The following USP20 variants were observed in gnomAD, a reference collection of about 807,000 sequenced individuals.
The protein encoded by USP20 is ubiquitin carboxyl-terminal hydrolase 20.
A neutral mutation model predicts 124.2 loss-of-function variants in USP20; 80 were observed. The ratio of observed to expected loss-of-function variants is 0.64; its 90% CI spans 0.54 to 0.78. USP20 has a LOEUF of 0.78. Among genes scored for constraint, USP20 ranks in the 30% least tolerant of loss-of-function variants. The pLI, the probability that USP20 is intolerant of heterozygous loss-of-function variation, is 0.00. For missense variants in USP20, 1,043 were observed against 1,244.4 expected (o/e 0.84, Z 2.44); for synonymous variants, 481 against 512.3 (o/e 0.94, Z 0.83).
At position 129,879,352 on chromosome 9, in the gene USP20, G is replaced by A. The variant is rs921715543; in HGVS notation, c.2513-221G>A. 18 of 554,410 alleles carry A rather than the reference G, an allele frequency of 3.2e-5. No individual in the cohort carries two copies. In the Admixed American group the frequency reaches 3.9e-4, roughly 12 times the overall value. 34.3% of individuals were successfully genotyped at this position (554,410 alleles called of 1,614,324 possible). ...ATGGGCCATCCACCGCAGCTCCTGC[G>A]GCCAGCACAGAGTCTGAGACCATCT... is the stretch of plus-strand genomic sequence containing the variant. On this transcript the variant is annotated intron_variant, in intron 23 of 25. Transcript: ENST00000372429. This position sits in a 1 kb window ranked among gnomAD's most constrained non-coding sequence, Gnocchi z 4.2.
chr9:129,880,343 C>T, intron 25 of USP20, 54 bp downstream of exon 25: 1 of 1,500,144 alleles, frequency 6.7e-7, no homozygotes, highest in Non-Finnish European at 8.9e-7. Flanking sequence ...TCCTCACTCT[C>T]CAGAGACCCT....
At position 129,874,764 on chromosome 9, in the gene USP20, A is replaced by G. The variant is rs761636395; in HGVS notation, c.1921+8A>G. ...ACCACGGCACGGCAGGCAGTGAGTC[A>G]TGTCCCCTCCCCTGCCGTCCCCATC... On this transcript the variant is annotated splice_region_variant and intron_variant, in intron 18 of 25. Coordinates refer to ENST00000372429, the MANE Select transcript of USP20 (RefSeq NM_001110303.4). The G allele has an allele frequency of 5.3e-5, 86 of 1,613,732 alleles. No individual in the cohort carries two copies. The Middle Eastern group carries it at 1.2e-3, about 22-fold the overall frequency.
chr9:129,845,891 G>A (rs1564196850), intron 1 of USP20, among the ~76,000 whole-genome samples: 1 of 151,962 alleles, frequency 6.6e-6, no homozygotes, highest in Non-Finnish European at 1.5e-5. Flanking sequence ...CAAAATAAGA[G>A]TTTACTGTAA....
chr9:129,837,757 G>C (rs1429778717), intron 1 of USP20, among the ~76,000 whole-genome samples: 1 of 152,200 alleles, frequency 6.6e-6, no homozygotes, highest in African/African-American at 2.4e-5. Context: ...ATTCTGGTTT[G>C]GGATTTGGTT....
intron 10 of USP20, among the ~76,000 whole-genome samples, chr9:129,866,355 C>A (rs2033820712): frequency 1.3e-5 from 2 of 152,248 alleles, no homozygotes; most frequent in Non-Finnish European, 2.9e-5. Context: ...GACTAAAATT[C>A]ACTGAGCACC....
chr9:129,860,590 T>A (rs1223742819), intron 6 of USP20, among the ~76,000 whole-genome samples: 1 of 152,052 alleles, frequency 6.6e-6, no homozygotes, highest in Non-Finnish European at 1.5e-5. Context: ...CTGGGTGCTG[T>A]GCATGCACCT....
rs2034046972 is a variant in USP20, at chr9:129,870,198, C to T, written c.1566-255C>T. 3.1e-5 allele frequency: 18 copies of T among 571,768 alleles called. No homozygotes were observed. The South Asian group carries it at 3.9e-4, about 12-fold the overall frequency. 35.4% of individuals were successfully genotyped at this position (571,768 alleles called of 1,614,324 possible). A position where few individuals can be genotyped will look rare whatever the true frequency, so the allele number is the denominator to read the frequency against. On this transcript the variant is annotated intron_variant, in intron 14 of 25. Transcript: ENST00000372429. ...CTGAGGCCAGAGACCCGCATGACCC[C>T]AGGGAGGGGGTAGCATGATCATGGC...
intron 15 of USP20, among the ~76,000 whole-genome samples, chr9:129,872,921 T>C (rs1269689221): frequency 1.3e-5 from 2 of 152,030 alleles, no homozygotes; most frequent in Non-Finnish European, 2.9e-5. Flanking sequence ...GCCTTTTGCC[T>C]TTTAATTTTG....
chr9:129,879,431 T>C lies in USP20; in HGVS notation c.2513-142T>C. 4.1e-6 allele frequency: 3 copies of C among 736,992 alleles called. No homozygotes were observed. Among genetic ancestry groups the C allele is most frequent in the East Asian group, 2.5e-5 (1 of 39,608 alleles). 45.7% of individuals were successfully genotyped at this position (736,992 alleles called of 1,614,324 possible). ...GTCCTCAGACTGCCACAGAGGAGCA[T>C]TGGGTGGCTCAGGCGCCTCATCCAT... On this transcript the variant is annotated intron_variant, in intron 23 of 25. Coordinates refer to ENST00000372429, the MANE Select transcript of USP20 (RefSeq NM_001110303.4). The surrounding 1 kb of genome is among the most constrained non-coding windows in gnomAD (Gnocchi z 4.2).
chr9:129,874,740 CCACGG>C lies in USP20; in HGVS notation c.1913_1917del (p.Thr638ArgfsTer21). On this transcript the variant is annotated frameshift_variant, in exon 18 of 26. Coordinates refer to ENST00000372429, the MANE Select transcript of USP20 (RefSeq NM_001110303.4). LOFTEE classifies it high-confidence loss of function. ...ACGACCTCCTCTCGGTCATCTGCCA[CCACGG>C]CACGGCAGGCAGTGAGTCATGTCCC... is the stretch of plus-strand genomic sequence containing the variant. 1.2e-6 allele frequency: 2 copies of C among 1,613,930 alleles called. No homozygotes were observed. The highest frequency in any genetic ancestry group is 1.7e-6 in the Non-Finnish European group (2 of 1,180,010).
chr9:129,876,580 A>G (rs1306295406), intron 22 of USP20, among the ~76,000 whole-genome samples: 2 of 151,534 alleles, frequency 1.3e-5, no homozygotes, highest in East Asian at 1.9e-4. Flanking sequence ...CGGAGGTTTC[A>G]GTGAGCTGAG....
chr9:129,853,066 T>TAATACTTGAACAGGGTTA (rs1334671755), intron 3 of USP20, among the ~76,000 whole-genome samples: 2 of 152,100 alleles, frequency 1.3e-5, no homozygotes, highest in Non-Finnish European at 2.9e-5. Context: ...TTTGAAAAGG[T>TAATACTTGAACAGGGTTA]AATACTTGAA....
chr9:129,859,784 C>A (rs1236024009), intron 6 of USP20, among the ~76,000 whole-genome samples: 3 of 152,182 alleles, frequency 2.0e-5, no homozygotes, highest in Non-Finnish European at 2.9e-5. Context: ...CCTGTAATCC[C>A]AGCCCTTTGC....
chr9:129,835,555 G>C (rs2031747303), intron 1 of USP20, 56 bp downstream of exon 1: 1 of 209,544 alleles, frequency 4.8e-6, no homozygotes, highest in Non-Finnish European at 9.5e-6. Flanking sequence ...GAGCATTGGC[G>C]ACCCCAGCCC....
chr9:129,853,147 T>TCCCCAGCC (rs1451652630), intron 3 of USP20, among the ~76,000 whole-genome samples: 200 of 97,600 alleles, frequency 2.0e-3, no homozygotes, highest in African/African-American at 7.6e-3. Flanking sequence ...GTGCCCACCC[T>TCCCCAGCC]CCCCAGCCCA....
intron 1 of USP20, among the ~76,000 whole-genome samples, chr9:129,848,475 A>G (rs1309435410): frequency 1.3e-5 from 2 of 150,940 alleles, no homozygotes; most frequent in Admixed American, 1.3e-4. Flanking sequence ...GTCCAATTGC[A>G]CTTGCAAATC....
chr9:129,861,342 ACACT>A (rs1452845332), intron 7 of USP20, among the ~76,000 whole-genome samples, 197 bp from the exon 8 acceptor site: 3 of 152,138 alleles, frequency 2.0e-5, no homozygotes, highest in Non-Finnish European at 4.4e-5. Flanking sequence ...TCTGTTTAAA[ACACT>A]CAGGTAACCG....
At chr9:129,861,976 G>T (rs1259580184) in intron 8 of USP20, among the ~76,000 whole-genome samples, 3 of 152,128 alleles carry the variant, frequency 2.0e-5, no homozygotes, top group African/African-American at 7.2e-5. Context: ...TCTGGTGAGT[G>T]GGGGAAAAAG....
At chr9:129,867,680 G>A (rs770450057) in intron 10 of USP20, among the ~76,000 whole-genome samples, 17 of 152,146 alleles carry the variant, frequency 1.1e-4, no homozygotes, top group Non-Finnish European at 2.1e-4. Context: ...TGTCCCTCCC[G>A]TGCTGAGCTT....
Sources: allele counts gnomAD v4.1 joint callset (sites outside exome capture counted in the v4.1 genomes callset), GRCh38; gene constraint gnomAD v4.1.1; non-coding constraint Gnocchi (gnomAD v3.1); transcripts MANE v1.5; gene names NCBI Gene and HGNC (gene_info 2026-07-23, HGNC 2026-07-21).